CSMD3: variants seen among roughly 807,000 people sequenced by gnomAD.
CSMD3 encodes CUB and sushi domain-containing protein 3.
A neutral mutation model predicts 435.2 loss-of-function variants in CSMD3; 177 were observed. That is an observed-to-expected ratio of 0.41 (90% CI 0.36 to 0.46). The LOEUF (loss-of-function observed/expected upper bound fraction) is 0.46. Among genes scored for constraint, CSMD3 ranks in the 20% least tolerant of loss-of-function variants. The probability of loss-of-function intolerance (pLI) is 0.34; values close to 1 mark genes in which losing one functional copy is unlikely to be tolerated. For synonymous variants in CSMD3, 1,656 were observed against 1,520.5 expected, an observed-to-expected ratio of 1.09 and a Z score of -2.07; for missense variants, 4,265 against 4,504.6, an observed-to-expected ratio of 0.95 and a Z score of 1.52.
chr8:112,816,898 G>A (rs1214067194), intron 12 of CSMD3, among the ~76,000 whole-genome samples: 2 of 151,750 alleles, frequency 1.3e-5, no homozygotes, highest in Non-Finnish European at 2.9e-5. Context: ...AGAATAATCA[G>A]GAAAAAGTGT....
chr8:112,628,877 G>T (rs927023603), intron 22 of CSMD3, among the ~76,000 whole-genome samples: 2 of 152,114 alleles, frequency 1.3e-5, no homozygotes, highest in South Asian at 4.1e-4. Flanking sequence ...CCAAATTATG[G>T]AGTGGAGATT....
At chr8:113,422,437 T>G (rs2094613232) in intron 1 of CSMD3, among the ~76,000 whole-genome samples, 1 of 152,170 alleles carries the variant, frequency 6.6e-6, no homozygotes, top group South Asian at 2.1e-4. Context: ...TTGACCTCAT[T>G]TGTTTGTATC....
chr8:112,463,227 T>C (rs935211617), intron 32 of CSMD3, among the ~76,000 whole-genome samples: 5 of 152,144 alleles, frequency 3.3e-5, no homozygotes, highest in African/African-American at 1.2e-4. Flanking sequence ...CTGGGTGTGG[T>C]GGCACATACC....
Position 112,682,524 on chromosome 8 carries a change from A to G in CSMD3, c.2595T>C (p.Ile865=). 1 of 1,613,642 alleles carries G rather than the reference A, an allele frequency of 6.2e-7. No homozygotes were observed. Among genetic ancestry groups the G allele is most frequent in the Non-Finnish European group, 8.5e-7 (1 of 1,179,670 alleles). The change falls in exon 16 of 71, where the codon ATT becomes ATC. Residue 865 remains isoleucine (I), a synonymous_variant. Coordinates refer to ENST00000297405, the MANE Select transcript of CSMD3 (RefSeq NM_198123.2). ...SISVICEEGF[I]KTQGTETITC... is the part of the protein sequence containing the mutation. ...TAATTGTTTCTGTTCCCTGGGTTTTAATAAATCCTTCTTCACAAATAACTG... is the reference window on the plus strand; with the variant it reads ...TAATTGTTTCTGTTCCCTGGGTTTTGATAAATCCTTCTTCACAAATAACTG...
chr8:112,604,178 TC>T (rs1278793648), intron 22 of CSMD3, among the ~76,000 whole-genome samples: 1 of 152,196 alleles, frequency 6.6e-6, no homozygotes, highest in Admixed American at 6.5e-5. Flanking sequence ...ACTGCATTAC[TC>T]ATAGTAAATA....
intron 1 of CSMD3, among the ~76,000 whole-genome samples, chr8:113,392,197 C>T (rs1170451125): frequency 6.6e-6 from 1 of 151,996 alleles, no homozygotes; most frequent in African/African-American, 2.4e-5. Flanking sequence ...GTATTGGATC[C>T]TGATCCACAG....
At chr8:113,360,252 A>T (rs1235542167) in intron 1 of CSMD3, among the ~76,000 whole-genome samples, 1 of 152,194 alleles carries the variant, frequency 6.6e-6, no homozygotes, top group Non-Finnish European at 1.5e-5. Flanking sequence ...GGATTCAGAC[A>T]GACCAGGTTT....
chr8:112,852,407 C>A (rs185409985), intron 11 of CSMD3, among the ~76,000 whole-genome samples: 31 of 152,140 alleles, frequency 2.0e-4, no homozygotes, highest in Admixed American at 1.8e-3. Context: ...GTAAGAAGGA[C>A]TGGACCCAGA....
intron 9 of CSMD3, among the ~76,000 whole-genome samples, chr8:112,943,263 T>C (rs2083506330): frequency 6.6e-6 from 1 of 151,794 alleles, no homozygotes; most frequent in Admixed American, 6.6e-5. Flanking sequence ...CAAATTTTTT[T>C]CCAATCTGTG....
At chr8:113,179,860 C>T (rs1040556562) in intron 3 of CSMD3, among the ~76,000 whole-genome samples, 7 of 151,766 alleles carry the variant, frequency 4.6e-5, no homozygotes, top group Admixed American at 3.3e-4. Context: ...CATGTTACAA[C>T]AGTCTCATTC....
At chr8:113,377,103 G>A (rs1361247513) in intron 1 of CSMD3, 7 of 1,274,424 alleles carry the variant, frequency 5.5e-6, no homozygotes, top group Non-Finnish European at 7.0e-6. Context: ...ACTCCCCCAA[G>A]GGCTGCGGCG....
At chr8:112,412,554 A>G (rs1398234214) in intron 32 of CSMD3, among the ~76,000 whole-genome samples, 2 of 152,140 alleles carry the variant, frequency 1.3e-5, no homozygotes, top group Non-Finnish European at 2.9e-5. Flanking sequence ...AACATAATAG[A>G]TGTTAAAGAA....
chr8:113,292,002 T>C (rs1159060411), intron 2 of CSMD3, among the ~76,000 whole-genome samples: 9 of 151,836 alleles, frequency 5.9e-5, no homozygotes, highest in Admixed American at 5.9e-4. Context: ...TTTAAGCCAA[T>C]ATCCACTAGG....
Position 112,488,411 on chromosome 8 carries a change from T to C in CSMD3, c.5278+4078A>G, listed in dbSNP as rs1397257160. ...CAACATTATAAGAAAAAGCGAAATG[T>C]AGTTGTGTTCTAAGAGTCTGCAGAA... On this transcript the variant is annotated intron_variant, in intron 31 of 70. Transcript: ENST00000297405. Among the ~76,000 whole-genome samples, 4 of 152,200 alleles carry C rather than the reference T, an allele frequency of 2.6e-5. No individual in the cohort carries two copies. In the East Asian group the frequency reaches 7.7e-4, roughly 29 times the overall value.
At position 113,168,519 on chromosome 8, in the gene CSMD3, C is replaced by CAAA. The variant is rs71281204; in HGVS notation, c.709+5200_709+5202dup. 5.2e-3 allele frequency among the ~76,000 whole-genome samples: 88 copies of CAAA among 17,018 alleles called. 26 individuals carry two copies. Among genetic ancestry groups the CAAA allele is most frequent in the African/African-American group, 0.015 (79 of 5,274 alleles). 11.2% of individuals were successfully genotyped at this position (17,018 alleles called of 152,430 possible). A position where few individuals can be genotyped will look rare whatever the true frequency, so the allele number is the denominator to read the frequency against. On this transcript the variant is annotated intron_variant, in intron 4 of 70. Transcript: ENST00000297405. ...CTGGTGACAGAGCAAGACTCTGTCT[C>CAAA]AAAAAAAAAAAAAAAAAAAAAAAAA...
chr8:113,173,297 T>C (rs1337040185), intron 4 of CSMD3, among the ~76,000 whole-genome samples: 1 of 152,130 alleles, frequency 6.6e-6, no homozygotes, highest in Non-Finnish European at 1.5e-5. Flanking sequence ...ATGTAGTATA[T>C]GAGACTATTT....
In CSMD3 at chr8:113,318,903, G is replaced by A. The variant is rs140661447; in HGVS notation, c.179-4110C>T. Among the ~76,000 whole-genome samples the A allele has an allele frequency of 1.0e-3, 156 of 151,716 alleles. 2 individuals carry two copies. Among genetic ancestry groups the A allele is most frequent in the African/African-American group, 3.5e-3 (146 of 41,346 alleles). On this transcript the variant is annotated intron_variant, in intron 1 of 70. Transcript: ENST00000297405. ...CTGAATAAGATTCCATTTTGTGTGT[G>A]AGTATGTATATATACACATTTCATT...
chr8:113,005,038 G>T (rs1251790085), intron 6 of CSMD3, among the ~76,000 whole-genome samples: 1 of 151,556 alleles, frequency 6.6e-6, no homozygotes, highest in Admixed American at 6.6e-5. Context: ...TATTCCAAAT[G>T]ATATATATGT....
chr8:113,265,179 A>G (rs2093459212), intron 3 of CSMD3, among the ~76,000 whole-genome samples: 1 of 151,650 alleles, frequency 6.6e-6, no homozygotes, highest in Non-Finnish European at 1.5e-5. Context: ...ATCTGAGCAT[A>G]GAGAGAAAGA....
Sources: gnomAD v4.1 joint callset for allele counts (sites outside exome capture counted in the v4.1 genomes callset) on GRCh38, gnomAD v4.1.1 for gene constraint, MANE v1.5 for transcripts, NCBI Gene and HGNC (gene_info 2026-07-23, HGNC 2026-07-21) for gene names.